The following GPRC5C variants were observed in gnomAD, a reference collection of about 807,000 sequenced individuals.
GPRC5C encodes G protein-coupled receptor family C group 5 member C.
Under a neutral mutation model 31.4 loss-of-function variants are expected in GPRC5C, and 22 were observed. The observed-to-expected ratio is 0.70, with a 90% CI of 0.50 to 1.00. GPRC5C has a LOEUF of 1.00. Ranked by LOEUF, GPRC5C falls within the 50% of genes least tolerant of loss-of-function variation. The pLI, the probability that GPRC5C is intolerant of heterozygous loss-of-function variation, is 0.00. For missense variants in GPRC5C, 557 were observed against 597.2 expected (o/e 0.93, Z 0.70); for synonymous variants, 249 against 257.5 (o/e 0.97, Z 0.32).
intron 1 of GPRC5C, among the ~76,000 whole-genome samples, chr17:74,433,006 G>A (rs909443770): frequency 6.6e-6 from 1 of 151,988 alleles, no homozygotes; most frequent in Non-Finnish European, 1.5e-5. Context: ...AGGGAAGTTT[G>A]GAAATTCAGA....
intron 3 of GPRC5C, among the ~76,000 whole-genome samples, chr17:74,444,132 A>C (rs1016172125): frequency 6.6e-6 from 1 of 152,192 alleles, no homozygotes; most frequent in African/African-American, 2.4e-5. Context: ...GCTGCACTGC[A>C]GTGGGACCCG....
At position 74,439,846 on chromosome 17, in the gene GPRC5C, C is replaced by T. The variant is rs753981694; in HGVS notation, c.70C>T (p.Gln24Ter). The change falls in exon 2 of 4, where the codon CAG becomes TAG. Residue 24 changes from glutamine to a stop codon, truncating the protein, a stop_gained. Transcript: ENST00000392627. LOFTEE classifies it high-confidence loss of function. ...PLFLFPGAWAQGHVPPGCSQG... is the reference protein window; with the variant it reads ...PLFLFPGAWA ...CTTCCTGTTCCCAGGGGCCTGGGCC[C>T]AGGGCCATGTCCCACCCGGCTGCAG... The T allele has an allele frequency of 8.1e-6, 13 of 1,613,624 alleles. No homozygotes were observed. In the Admixed American group the frequency reaches 2.0e-4, roughly 25 times the overall value.
Position 74,447,050 on chromosome 17 carries a change from C to A in GPRC5C, c.*22C>A. Reference sequence around the variant, plus strand: ...CTGAGTCAGCGGTGGCGAGGAGAGGCGGGCGGATTTGGGGAGGGCCCTGAG... The same window carrying A: ...CTGAGTCAGCGGTGGCGAGGAGAGGAGGGCGGATTTGGGGAGGGCCCTGAG... On this transcript the variant is annotated 3_prime_UTR_variant, in exon 4 of 4. Transcript: ENST00000392627. The A allele has an allele frequency of 2.5e-6, 4 of 1,600,022 alleles. No individual in the cohort carries two copies. The highest frequency in any genetic ancestry group is 2.6e-6 in the Non-Finnish European group (3 of 1,169,364).
Position 74,443,736 on chromosome 17 carries a change from A to G in GPRC5C, c.1052-82A>G, listed in dbSNP as rs533172847. 85 of 1,066,256 alleles carry G rather than the reference A, an allele frequency of 8.0e-5. No individual in the cohort carries two copies. In the East Asian group the frequency reaches 1.8e-3, roughly 23 times the overall value. The allele number at this position is 1,066,256 out of a possible 1,614,324, so 66.0% of individuals were successfully genotyped here. ...CCCTTTACCTCTTCCCTGCCCCCAG[A>G]GAGCCTTGCTTGGTTTGTGGGAGGT... On this transcript the variant is annotated intron_variant, in intron 2 of 3. Transcript: ENST00000392627.
intron 1 of GPRC5C, among the ~76,000 whole-genome samples, chr17:74,436,230 C>G (rs918991907): frequency 3.9e-5 from 6 of 152,162 alleles, no homozygotes; most frequent in South Asian, 2.1e-4. Context: ...TTAACTTGCT[C>G]TGGACTTGGG....
At chr17:74,435,748 T>G (rs139629924) in intron 1 of GPRC5C, among the ~76,000 whole-genome samples, 53 of 152,344 alleles carry the variant, frequency 3.5e-4, no homozygotes, top group African/African-American at 1.2e-3. Flanking sequence ...GTGGGCTTCT[T>G]GGAGCCAGCA....
Position 74,443,750 on chromosome 17 carries a change from T to C in GPRC5C, c.1052-68T>C, listed in dbSNP as rs140996672. On this transcript the variant is annotated intron_variant, in intron 2 of 3. Transcript: ENST00000392627. ...CCTGCCCCCAGAGAGCCTTGCTTGGTTTGTGGGAGGTGGGGAAGGGAGCTG... is the reference window on the plus strand; with the variant it reads ...CCTGCCCCCAGAGAGCCTTGCTTGGCTTGTGGGAGGTGGGGAAGGGAGCTG... 4,457 of 1,154,804 alleles carry C rather than the reference T, an allele frequency of 3.9e-3. 11 individuals carry two copies. The highest frequency in any genetic ancestry group is 5.4e-3 in the Non-Finnish European group (4,091 of 763,218). 71.5% of individuals were successfully genotyped at this position (1,154,804 alleles called of 1,614,324 possible). A position where few individuals can be genotyped will look rare whatever the true frequency, so the allele number is the denominator to read the frequency against.
intron 1 of GPRC5C, among the ~76,000 whole-genome samples, chr17:74,438,244 TATATATATTTG>T (rs1227395716): frequency 2.1e-4 from 25 of 118,630 alleles, no homozygotes; most frequent in African/African-American, 5.8e-4. Flanking sequence ...TATATATATA[TATATATATTTG>T]TTGTTGTTGT....
At position 74,432,490 on chromosome 17, in the gene GPRC5C, G is replaced by A. The variant is rs560626502; in HGVS notation, c.-33+349G>A. ...CCTGGGGCTGGAGTTGGCCCCAAAC[G>A]CTGCGCTGGAGCGGGGCCGGCGGCG... On this transcript the variant is annotated intron_variant, in intron 1 of 3. Transcript: ENST00000392627. 5.8e-6 allele frequency: 6 copies of A among 1,034,174 alleles called. No individual in the cohort carries two copies. In the African/African-American group the frequency reaches 8.5e-5, roughly 15 times the overall value. The allele number at this position is 1,034,174 out of a possible 1,614,324, so 64.1% of individuals were successfully genotyped here.
In GPRC5C at chr17:74,443,172, C is replaced by T. The variant is rs929117895; in HGVS notation, c.1052-646C>T. 2.1e-5 allele frequency: 4 copies of T among 186,754 alleles called. No individual in the cohort carries two copies. The Admixed American group carries it at 2.6e-4, about 12-fold the overall frequency. 11.6% of individuals were successfully genotyped at this position (186,754 alleles called of 1,614,324 possible). ...CCCTCCTCAAACACCCTGGGAGTGC[C>T]CAGCAGGGCGGAACACACCGGGAAA... On this transcript the variant is annotated intron_variant, in intron 2 of 3. Transcript: ENST00000392627.
chr17:74,437,252 TCTCTTACTC>T (rs2055445881), intron 1 of GPRC5C, among the ~76,000 whole-genome samples: 1 of 152,136 alleles, frequency 6.6e-6, no homozygotes, highest in African/African-American at 2.4e-5. Flanking sequence ...CTCTTAGCCC[TCTCTTACTC>T]CTCTTTCCAG....
intron 3 of GPRC5C, chr17:74,446,427 G>A: frequency 6.4e-6 from 1 of 155,272 alleles, no homozygotes. Flanking sequence ...ACTCCAGCCT[G>A]GGCGACAGAG....
intron 3 of GPRC5C, among the ~76,000 whole-genome samples, 176 bp downstream of exon 3, chr17:74,444,088 C>A (rs998286159): frequency 2.0e-5 from 3 of 152,198 alleles, no homozygotes; most frequent in African/African-American, 7.2e-5. Flanking sequence ...TTCTTAAATT[C>A]CTTGTCCTGG....
chr17:74,440,948 C>T lies in GPRC5C; in HGVS notation c.1051+121C>T. ...TTTGAGGTTTTCTGTAGTTTTCTGC[C>T]TAAGTGTCTCTAAATTCCATTTAAT... is the stretch of plus-strand genomic sequence containing the variant. On this transcript the variant is annotated intron_variant, in intron 2 of 3. Transcript: ENST00000392627. The surrounding 1 kb of genome is among the most constrained non-coding windows in gnomAD (Gnocchi z 4.4). 1 of 803,484 alleles carries T rather than the reference C, an allele frequency of 1.2e-6. No individual in the cohort carries two copies. The highest frequency in any genetic ancestry group is 1.8e-5 in the African/African-American group (1 of 56,296). 49.8% of individuals were successfully genotyped at this position (803,484 alleles called of 1,614,324 possible). A position where few individuals can be genotyped will look rare whatever the true frequency, so the allele number is the denominator to read the frequency against.
At chr17:74,433,050 C>T (rs371126406) in intron 1 of GPRC5C, among the ~76,000 whole-genome samples, 7 of 151,966 alleles carry the variant, frequency 4.6e-5, no homozygotes, top group African/African-American at 1.7e-4. Flanking sequence ...GTAGCCTGGC[C>T]CCTAGATCCC....
chr17:74,434,151 T>C (rs149848988), intron 1 of GPRC5C, among the ~76,000 whole-genome samples: 11 of 152,308 alleles, frequency 7.2e-5, no homozygotes, highest in African/African-American at 2.6e-4. Context: ...TTTGTACAAC[T>C]GATTCCAGGG....
downstream of GPRC5C, among the ~76,000 whole-genome samples, chr17:74,448,147 A>G (rs1193688029): frequency 6.6e-6 from 1 of 151,746 alleles, no homozygotes; most frequent in African/African-American, 2.4e-5. Context: ...TGTTTCTACA[A>G]AAAAAAAATT....
At chr17:74,446,451 CAA>C (rs765307845) in intron 3 of GPRC5C, 123 of 105,700 alleles carry the variant, frequency 1.2e-3, no homozygotes, top group Middle Eastern at 9.7e-3. Context: ...GACTCCGTCT[CAA>C]AAAAAAAAAA....
At chr17:74,449,000 C>A, downstream of GPRC5C, 2 of 878,864 alleles carry the variant, frequency 2.3e-6, no homozygotes, top group Non-Finnish European at 3.2e-6. Flanking sequence ...CAAGACTTTG[C>A]CAGGGGGCTG....
Sources: allele counts gnomAD v4.1 joint callset (sites outside exome capture counted in the v4.1 genomes callset), GRCh38; gene constraint gnomAD v4.1.1; non-coding constraint Gnocchi (gnomAD v3.1); transcripts MANE v1.5; gene names NCBI Gene and HGNC (gene_info 2026-07-23, HGNC 2026-07-21).